The following TAAR9 variants were observed in gnomAD, a reference collection of about 807,000 sequenced individuals.
The protein encoded by TAAR9 is trace amine-associated receptor 9.
For missense variants in TAAR9, 453 were observed against 409.4 expected (o/e 1.11, Z -0.92); for synonymous variants, 162 against 152.6 (o/e 1.06, Z -0.45).
exon 1 of TAAR9, chr6:132,538,456 C>T (rs1776249903): frequency 6.2e-7 from 1 of 1,613,404 alleles, no homozygotes; most frequent in South Asian, 1.1e-5. Context: ...GTCATGATTG[C>T]TATCCTTCAC....
At chr6:132,539,316 G>A in exon 1 of TAAR9, 23 of 1,608,440 alleles carry the variant, frequency 1.4e-5, no homozygotes, top group Non-Finnish European at 2.0e-5. Context: ...TTTATTTTCT[G>A]AAGAAGTAGA....
Position 132,538,932 on chromosome 6 carries a change from T to A in TAAR9, c.643T>A (p.Phe215Ile), listed in dbSNP as rs146298415. ...CTTTATACCCAATGTCGCCATGGTGTTTATATACAGTAAGATATTTTTGGT... is the reference window on the plus strand; with the variant it reads ...CTTTATACCCAATGTCGCCATGGTGATTATATACAGTAAGATATTTTTGGT... The change falls in exon 1 of 1, where the codon TTT becomes ATT. Residue 215 changes from phenylalanine (F) to isoleucine (I), a missense_variant. By Grantham distance (21) the Phe-to-Ile change is conservative. Transcript: ENST00000434551. 4.7e-3 allele frequency: 7,325 copies of A among 1,574,696 alleles called. 30 individuals are homozygous for A. Among genetic ancestry groups the A allele is most frequent in the Non-Finnish European group, 5.5e-3 (6,359 of 1,163,914 alleles).
exon 1 of TAAR9, chr6:132,538,504 C>A: frequency 6.2e-7 from 1 of 1,612,666 alleles, no homozygotes; most frequent in Non-Finnish European, 8.5e-7. Context: ...TTTCTGATTG[C>A]GTCGCTGGCC....
exon 1 of TAAR9, chr6:132,538,389 A>G (rs1181782875): frequency 6.2e-7 from 1 of 1,613,696 alleles, no homozygotes; most frequent in Non-Finnish European, 8.5e-7. Context: ...TCCTCGATCT[A>G]TCCTCTACGC....
At chr6:132,539,029 A>G (rs1776259044) in exon 1 of TAAR9, 2 of 1,528,866 alleles carry the variant, frequency 1.3e-6, no homozygotes, top group South Asian at 1.3e-5. Context: ...AGTTACAAGG[A>G]AAGAGTAGCA....
exon 1 of TAAR9, chr6:132,539,051 A>G: frequency 1.3e-6 from 2 of 1,529,564 alleles, no homozygotes; most frequent in Non-Finnish European, 1.7e-6. Context: ...AAAGAGAGAG[A>G]AAGGCTGCCA....
exon 1 of TAAR9, chr6:132,538,831 T>C (rs1194621469): frequency 1.2e-6 from 2 of 1,613,792 alleles, no homozygotes; most frequent in African/African-American, 1.3e-5. Flanking sequence ...GAGGAATTAG[T>C]AGTTGCTCTA....
At chr6:132,538,346 C>G in exon 1 of TAAR9, 1 of 1,613,226 alleles carries the variant, frequency 6.2e-7, no homozygotes, top group Non-Finnish European at 8.5e-7. Flanking sequence ...AGAACGTGAA[C>G]GAATCCTGCA....
exon 1 of TAAR9, chr6:132,538,509 C>A (rs776966455): frequency 1.9e-6 from 3 of 1,612,296 alleles, no homozygotes; most frequent in Non-Finnish European, 2.5e-6. Context: ...GATTGCGTCG[C>A]TGGCCTGTGC....
chr6:132,539,056 C>T, exon 1 of TAAR9: 1 of 1,529,876 alleles, frequency 6.5e-7, no homozygotes, highest in South Asian at 1.3e-5. Context: ...GAGAGAAAGG[C>T]TGCCAAAACC....
chr6:132,539,019 A>T (rs770703507), exon 1 of TAAR9: 4 of 1,529,560 alleles, frequency 2.6e-6, no homozygotes, highest in Non-Finnish European at 3.5e-6. Flanking sequence ...CTCCTCAGAG[A>T]GTTACAAGGA....
At chr6:132,538,533 G>A (rs763335689) in exon 1 of TAAR9, 1 of 1,610,454 alleles carries the variant, frequency 6.2e-7, no homozygotes, top group Non-Finnish European at 8.5e-7. Flanking sequence ...CTTCTTGGTG[G>A]GAGTCACTGT....
At chr6:132,538,964 G>A (rs1401251891) in exon 1 of TAAR9, 5 of 1,548,924 alleles carry the variant, frequency 3.2e-6, no homozygotes, top group South Asian at 1.3e-5. Context: ...TGGTGGCCAA[G>A]CATCAGGCTA....
At chr6:132,538,335 A>C in exon 1 of TAAR9, 1 of 1,612,906 alleles carries the variant, frequency 6.2e-7, no homozygotes, top group Non-Finnish European at 8.5e-7. Context: ...GCTGTGTTAC[A>C]AGAACGTGAA....
chr6:132,539,275 A>G, exon 1 of TAAR9: 2 of 1,613,088 alleles, frequency 1.2e-6, no homozygotes, highest in Non-Finnish European at 1.7e-6. Context: ...GTAAGCGGCA[A>G]GGTCTTAAGG....
At chr6:132,539,020 G>A in exon 1 of TAAR9, 1 of 1,529,834 alleles carries the variant, frequency 6.5e-7, no homozygotes, top group Non-Finnish European at 8.7e-7. Context: ...TCCTCAGAGA[G>A]TTACAAGGAA....
chr6:132,538,483 C>A (rs1156951638), exon 1 of TAAR9: 2 of 1,612,808 alleles, frequency 1.2e-6, no homozygotes, highest in African/African-American at 2.7e-5. Context: ...CAACTGCACA[C>A]ACCTACAAAC....
chr6:132,538,557 ACAG>A lies in TAAR9; in HGVS notation c.269_271del (p.Thr90_Val91delinsMet), dbSNP rs757617346. On this transcript the variant is annotated inframe_deletion, in exon 1 of 1. Transcript: ENST00000434551. ...GGGAGTCACTGTGATGCCCTTCAGC[ACAG>A]TGAGGTCTGTGGAGAGCTGTTGGTA... 1.2e-3 allele frequency: 1,997 copies of A among 1,604,470 alleles called. 37 individuals carry two copies. In the South Asian group the frequency reaches 0.021, roughly 17 times the overall value.
chr6:132,539,233 A>G lies in TAAR9; in HGVS notation c.944A>G (p.Tyr315Cys), dbSNP rs767953055. 5.0e-6 allele frequency: 8 copies of G among 1,612,408 alleles called. No homozygotes were observed. The African/African-American group carries it at 6.7e-5, about 13-fold the overall frequency. ...AACCCCTTGATTTATGCTTTCTTTT[A>G]CCAATGGTTTGGGAAGGCAATAAAA... Residue 315 changes from tyrosine to cysteine, a missense_variant, in exon 1 of 1, where the codon TAC (tyrosine) becomes TGC (cysteine). Coordinates refer to ENST00000434551, the Ensembl canonical transcript of TAAR9.
Sources: allele counts gnomAD v4.1 joint callset, GRCh38; gene constraint gnomAD v4.1.1; transcripts MANE v1.5; gene names NCBI Gene and HGNC (gene_info 2026-07-23, HGNC 2026-07-21).